The following ESCO2 variants were observed in gnomAD, a reference collection of about 807,000 sequenced individuals.
The protein encoded by ESCO2 is N-acetyltransferase ESCO2.
ESCO2 carries 51 observed loss-of-function variants against 61.7 expected under a neutral mutation model. The observed-to-expected ratio is 0.83, with a 90% CI of 0.66 to 1.04. The LOEUF (loss-of-function observed/expected upper bound fraction) is 1.04, where lower values mean the gene tolerates loss of function less well. Among genes scored for constraint, ESCO2 ranks in the 50% least tolerant of loss-of-function variants. The pLI, the probability that ESCO2 is intolerant of heterozygous loss-of-function variation, is 0.00. For missense variants in ESCO2, 692 were observed against 686.2 expected, an observed-to-expected ratio of 1.01 and a Z score of -0.09; for synonymous variants, 230 against 238.2, an observed-to-expected ratio of 0.97 and a Z score of 0.32.
At chr8:27,793,153 TTAATTAGAATCTAATTTAGGTAC>T (rs951191425) in intron 9 of ESCO2, among the ~76,000 whole-genome samples, 1 of 152,222 alleles carries the variant, frequency 6.6e-6, no homozygotes, top group Admixed American at 6.5e-5. Context: ...TACTTATCCC[TTAATTAGAATCTAATTTAGGTAC>T]TAATTAGCAA....
downstream of ESCO2, among the ~76,000 whole-genome samples, chr8:27,812,957 A>G (rs1415312338): frequency 2.0e-5 from 3 of 152,232 alleles, no homozygotes; most frequent in African/African-American, 7.2e-5. Flanking sequence ...TGACCCAGCA[A>G]TCCCATTACT....
At chr8:27,812,798 A>G (rs1390578095), downstream of ESCO2, among the ~76,000 whole-genome samples, 4 of 152,186 alleles carry the variant, frequency 2.6e-5, no homozygotes, top group East Asian at 1.9e-4. Flanking sequence ...TAGAATGGCA[A>G]TCATTAAAAA....
At position 27,803,562 on chromosome 8, in the gene ESCO2, A is replaced by ACG. The variant is rs1322288091; in HGVS notation, c.*125_*126insGC. The ACG allele has an allele frequency of 6.9e-6, 10 of 1,457,608 alleles. No individual in the cohort carries two copies. The highest frequency in any genetic ancestry group is 4.3e-5 in the African/African-American group (3 of 69,516). 90.3% of individuals were successfully genotyped at this position (1,457,608 alleles called of 1,614,324 possible). On this transcript the variant is annotated 3_prime_UTR_variant, in exon 11 of 11. Transcript: ENST00000305188. ...GACTCACACTCATACACACACACAC[A>ACG]CACACGCACACACACATATCACAGT...
intron 10 of ESCO2, among the ~76,000 whole-genome samples, chr8:27,801,057 G>A (rs1805412446): frequency 1.3e-5 from 2 of 152,130 alleles, no homozygotes; most frequent in African/African-American, 2.4e-5. Context: ...AAACCACTCT[G>A]TTGTACACTT....
downstream of ESCO2, chr8:27,810,406 A>G: frequency 1.2e-6 from 2 of 1,605,054 alleles, no homozygotes; most frequent in Non-Finnish European, 1.7e-6. Context: ...ACTTTCTGGT[A>G]TGATTCATCC....
intron 7 of ESCO2, among the ~76,000 whole-genome samples, chr8:27,790,816 A>G (rs191033804): frequency 6.6e-6 from 1 of 152,334 alleles, no homozygotes; most frequent in East Asian, 1.9e-4. Flanking sequence ...TAGCAATGCC[A>G]CGTTTAATGC....
Position 27,799,636 on chromosome 8 carries a change from A to G in ESCO2, c.1593A>G (p.Ala531=). The change falls in exon 10 of 11, where the codon GCA becomes GCG. Residue 531 remains alanine (A), a synonymous_variant. Transcript: ENST00000305188. ...AWQCSDVPEP[A]VCGISRIWVF... ...AATGTTCAGATGTACCAGAACCTGC[A>G]GTCTGTGGGATAAGTAGAATCTGGG... 6.2e-7 allele frequency: 1 copy of G among 1,614,034 alleles called. No individual in the cohort carries two copies. The highest frequency in any genetic ancestry group is 8.5e-7 in the Non-Finnish European group (1 of 1,180,020).
At chr8:27,816,565 A>G (rs1367364534), downstream of ESCO2, among the ~76,000 whole-genome samples, 1 of 151,168 alleles carries the variant, frequency 6.6e-6, no homozygotes, top group Non-Finnish European at 1.5e-5. Context: ...TTTAGTAGAG[A>G]CGGGGTTTCA....
intron 10 of ESCO2, among the ~76,000 whole-genome samples, chr8:27,802,905 C>T (rs1305993977): frequency 6.6e-6 from 1 of 151,240 alleles, no homozygotes; most frequent in African/African-American, 2.4e-5. Flanking sequence ...CACCACCATG[C>T]CCGGCTAATT....
At chr8:27,795,621 C>A (rs190435615) in intron 9 of ESCO2, among the ~76,000 whole-genome samples, 1 of 152,192 alleles carries the variant, frequency 6.6e-6, no homozygotes, top group East Asian at 1.9e-4. Flanking sequence ...CTTTTCATTG[C>A]TAAGTATGAT....
downstream of ESCO2, among the ~76,000 whole-genome samples, chr8:27,813,745 A>G (rs957983523): frequency 5.3e-5 from 8 of 152,192 alleles, no homozygotes; most frequent in Admixed American, 3.3e-4. Context: ...CCTAACGTAC[A>G]GCATAGTGAG....
chr8:27,792,908 A>T (rs952376159), intron 9 of ESCO2, 97 bp downstream of exon 9: 1 of 1,297,174 alleles, frequency 7.7e-7, no homozygotes, highest in East Asian at 2.4e-5. Context: ...ACCATTAATG[A>T]CACTCTTCCT....
chr8:27,811,511 T>C (rs1045437816), downstream of ESCO2, among the ~76,000 whole-genome samples: 1 of 152,182 alleles, frequency 6.6e-6, no homozygotes, highest in Non-Finnish European at 1.5e-5. Flanking sequence ...CTTCATTTTG[T>C]GAACAATATT....
intron 9 of ESCO2, among the ~76,000 whole-genome samples, chr8:27,798,579 TAGC>T (rs1187579584): frequency 1.3e-5 from 2 of 152,284 alleles, no homozygotes; most frequent in Admixed American, 1.3e-4. Context: ...AGAATGTTAA[TAGC>T]AGCTTTATTA....
rs767123113 is a variant in ESCO2, at chr8:27,799,547, C to T, written c.1504C>T (p.Arg502Cys). Residue 502 changes from arginine to cysteine, a missense_variant, in exon 10 of 11, where the codon CGT becomes TGT. Coordinates refer to ENST00000305188, the MANE Select transcript of ESCO2 (RefSeq NM_001017420.3). ...LIAEPIKQAF[R>C]VLSEPIGPES... is the part of the protein sequence containing the mutation. The stretch of plus-strand genomic sequence containing the variant: ...CTTCTGTATATCATTGCAGGCATTT[C>T]GTGTCCTGTCTGAACCAATTGGTCC... 6 of 1,613,694 alleles carry T rather than the reference C, an allele frequency of 3.7e-6. No homozygotes were observed. The highest frequency in any genetic ancestry group is 2.2e-5 in the South Asian group (2 of 91,062).
At chr8:27,802,656 T>TAGATATA (rs1491490850) in intron 10 of ESCO2, among the ~76,000 whole-genome samples, 2 of 63,570 alleles carry the variant, frequency 3.1e-5, no homozygotes. Flanking sequence ...TATATATATA[T>TAGATATA]TATATATATA....
intron 3 of ESCO2, 189 bp downstream of exon 3, chr8:27,777,358 T>A: frequency 2.0e-6 from 1 of 505,770 alleles, no homozygotes; most frequent in Non-Finnish European, 3.3e-6. Flanking sequence ...CAGGCTGTAG[T>A]GCAGTGGCAC....
downstream of ESCO2, among the ~76,000 whole-genome samples, chr8:27,807,463 A>G (rs1805584914): frequency 1.3e-5 from 2 of 152,042 alleles, no homozygotes; most frequent in South Asian, 4.1e-4. Context: ...ACCAAACCCA[A>G]TTTGGTCTTG....
Position 27,803,583 on chromosome 8 carries a change from A to G in ESCO2, c.*145A>G. ...ACACACACACGCACACACACATATCACAGTTTTGTTCCTTATGAGTTGAAA... is the reference window on the plus strand; with the variant it reads ...ACACACACACGCACACACACATATCGCAGTTTTGTTCCTTATGAGTTGAAA... On this transcript the variant is annotated 3_prime_UTR_variant, in exon 11 of 11. Coordinates refer to ENST00000305188, the MANE Select transcript of ESCO2 (RefSeq NM_001017420.3). 1 of 1,292,084 alleles carries G rather than the reference A, an allele frequency of 7.7e-7. No individual in the cohort carries two copies. Among genetic ancestry groups the G allele is most frequent in the Non-Finnish European group, 9.8e-7 (1 of 1,018,216 alleles). 80.0% of individuals were successfully genotyped at this position (1,292,084 alleles called of 1,614,324 possible).
Sources: gnomAD v4.1 joint callset for allele counts (sites outside exome capture counted in the v4.1 genomes callset) on GRCh38, gnomAD v4.1.1 for gene constraint, MANE v1.5 for transcripts, NCBI Gene and HGNC (gene_info 2026-07-23, HGNC 2026-07-21) for gene names.